Variants in MYBL2 observed in about 807,000 individuals in gnomAD.
MYBL2 encodes MYB proto-oncogene like 2.
MYBL2 carries 28 observed loss-of-function variants against 79.9 expected under a neutral mutation model. The observed-to-expected ratio is 0.35, with a 90% CI of 0.26 to 0.48. The LOEUF is 0.48. MYBL2 is among the 20% of genes least tolerant of loss of function. MYBL2 has a pLI of 0.99. For missense variants in MYBL2, 735 were observed against 893.9 expected, an observed-to-expected ratio of 0.82 and a Z score of 2.27; for synonymous variants, 378 against 361.2, an observed-to-expected ratio of 1.05 and a Z score of -0.53.
At chr20:43,707,773 C>T (rs933643086) in intron 9 of MYBL2, among the ~76,000 whole-genome samples, 7 of 152,090 alleles carry the variant, frequency 4.6e-5, no homozygotes, top group Non-Finnish European at 1.0e-4. Context: ...TTTTTTCCCC[C>T]CCGGCTTTCA....
chr20:43,708,227 CT>C (rs1250338832), intron 9 of MYBL2, among the ~76,000 whole-genome samples: 1 of 152,032 alleles, frequency 6.6e-6, no homozygotes, highest in African/African-American at 2.4e-5. Context: ...AGCCTTCTAA[CT>C]AGCTGAGAAC....
intron 9 of MYBL2, among the ~76,000 whole-genome samples, chr20:43,709,335 C>T (rs967124813): frequency 4.6e-5 from 7 of 152,220 alleles, no homozygotes; most frequent in South Asian, 2.1e-4. Context: ...CCAGCCCTGG[C>T]GCTCTGGGGC....
chr20:43,684,997 A>G (rs1987236395), intron 4 of MYBL2, among the ~76,000 whole-genome samples: 1 of 151,398 alleles, frequency 6.6e-6, no homozygotes, highest in Non-Finnish European at 1.5e-5. Context: ...AAATGCAAAG[A>G]TGAGCTGGGT....
chr20:43,702,628 C>G lies in MYBL2; in HGVS notation c.1090C>G (p.Leu364Val). The G allele has an allele frequency of 1.9e-6, 3 of 1,614,144 alleles. No individual in the cohort carries two copies. Among genetic ancestry groups the G allele is most frequent in the Non-Finnish European group, 2.5e-6 (3 of 1,180,042 alleles). ...CCTGCCACCCCGCCAGCCTTCCGCC[C>G]TGGTGCCCAGTGTGACCGAGTACCG... ...QVLPPRQPSA[L>V]VPSVTEYRLD... Residue 364 changes from leucine to valine, a missense_variant, in exon 8 of 14, where the codon CTG becomes GTG. By Grantham distance (32) the Leu-to-Val change is conservative (BLOSUM62 1). Coordinates refer to ENST00000217026, the MANE Select transcript of MYBL2 (RefSeq NM_002466.4).
In MYBL2 at chr20:43,702,625, G is replaced by A. The variant is rs757295796; in HGVS notation, c.1087G>A (p.Ala363Thr). The change falls in exon 8 of 14, where the codon GCC (alanine) becomes ACC (threonine). Residue 363 changes from alanine to threonine, a missense_variant. Physicochemically the swap from Ala to Thr is moderately conservative, Grantham distance 58. Coordinates refer to ENST00000217026, the MANE Select transcript of MYBL2 (RefSeq NM_002466.4). ...QQVLPPRQPSALVPSVTEYRL... is the reference protein window; with the variant it reads ...QQVLPPRQPSTLVPSVTEYRL... ...AGTCCTGCCACCCCGCCAGCCTTCC[G>A]CCCTGGTGCCCAGTGTGACCGAGTA... 3.7e-6 allele frequency: 6 copies of A among 1,613,886 alleles called. No individual in the cohort carries two copies. The Admixed American group carries it at 5.0e-5, about 13-fold the overall frequency.
chr20:43,698,518 C>T lies in MYBL2; in HGVS notation c.664-1239C>T, dbSNP rs1479043674. ...TCAGCCTCTCAAGTAGCTGGAACTA[C>T]AGGCGCCTGCCACCACACCTGGCTA... On this transcript the variant is annotated intron_variant, in intron 6 of 13. Transcript: ENST00000217026. Among the ~76,000 whole-genome samples, 6 of 151,324 alleles carry T rather than the reference C, an allele frequency of 4.0e-5. No individual in the cohort carries two copies. In the East Asian group the frequency reaches 9.7e-4, roughly 24 times the overall value.
chr20:43,690,549 G>A (rs1987382164), intron 5 of MYBL2, among the ~76,000 whole-genome samples: 1 of 152,086 alleles, frequency 6.6e-6, no homozygotes, highest in South Asian at 2.1e-4. Context: ...GAGGATCTGG[G>A]CAAAGCACCA....
In MYBL2 at chr20:43,694,303, G is replaced by A. The variant is rs571335247; in HGVS notation, c.663+1984G>A. Among the ~76,000 whole-genome samples the A allele has an allele frequency of 5.1e-4, 78 of 152,198 alleles. 1 individual carries two copies. Among genetic ancestry groups the A allele is most frequent in the Non-Finnish European group, 9.9e-4 (67 of 68,012 alleles). On this transcript the variant is annotated intron_variant, in intron 6 of 13. Coordinates refer to ENST00000217026, the MANE Select transcript of MYBL2 (RefSeq NM_002466.4). ...GCCGAGATCACGCCACTGCACTCCAGCCTGGGTGACAGAGTGAGACTCTGT... is the reference window on the plus strand; with the variant it reads ...GCCGAGATCACGCCACTGCACTCCAACCTGGGTGACAGAGTGAGACTCTGT...
chr20:43,671,644 G>A (rs533030415), intron 1 of MYBL2, among the ~76,000 whole-genome samples: 2 of 151,268 alleles, frequency 1.3e-5, no homozygotes, highest in East Asian at 2.0e-4. Context: ...GGCTAATTTT[G>A]TATTTTTAGT....
chr20:43,698,705 G>A lies in MYBL2; in HGVS notation c.664-1052G>A, dbSNP rs62226230. Among the ~76,000 whole-genome samples, 910 of 122,442 alleles carry A rather than the reference G, an allele frequency of 7.4e-3. 3 individuals are homozygous for A. Among genetic ancestry groups the A allele is most frequent in the Middle Eastern group, 0.027 (5 of 188 alleles). 80.3% of individuals were successfully genotyped at this position (122,442 alleles called of 152,430 possible). On this transcript the variant is annotated intron_variant, in intron 6 of 13. Coordinates refer to ENST00000217026, the MANE Select transcript of MYBL2 (RefSeq NM_002466.4). ...TTTTAAATGAGCAGGGTCTTGCTCT[G>A]TACCCCAGACTGTAGTGCAGTGGCG...
At chr20:43,713,220 TATCA>T in intron 12 of MYBL2, 114 bp downstream of exon 12, 1 of 572,686 alleles carries the variant, frequency 1.7e-6, no homozygotes. Context: ...AGGGAGGGGC[TATCA>T]GGGAGGGTGG....
In MYBL2 at chr20:43,699,859, C is replaced by T; in HGVS notation, c.766C>T (p.Pro256Ser). Reference sequence around the variant, plus strand: ...AGCCACCACATCGAAGGAACAGGAGCCCATCGGTACAGATCTGGACGCAGT... The same window carrying T: ...AGCCACCACATCGAAGGAACAGGAGTCCATCGGTACAGATCTGGACGCAGT... ...AAATTSKEQE[P>S]IGTDLDAVRT... is the part of the protein sequence containing the mutation. Residue 256 changes from proline to serine, a missense_variant, in exon 7 of 14, where the codon CCC becomes TCC. Physicochemically the swap from Pro to Ser is moderately conservative, Grantham distance 74. Coordinates refer to ENST00000217026, the MANE Select transcript of MYBL2 (RefSeq NM_002466.4). 1 of 1,614,124 alleles carries T rather than the reference C, an allele frequency of 6.2e-7. No individual in the cohort carries two copies. Among genetic ancestry groups the T allele is most frequent in the Non-Finnish European group, 8.5e-7 (1 of 1,179,998 alleles).
At chr20:43,682,981 C>A in intron 4 of MYBL2, 95 bp downstream of exon 4, 1 of 1,176,182 alleles carries the variant, frequency 8.5e-7, no homozygotes, top group South Asian at 1.2e-5. Context: ...TTGGGGGTGT[C>A]AAGCTGAGCA....
At chr20:43,668,892 A>G (rs1296054709) in intron 1 of MYBL2, among the ~76,000 whole-genome samples, 2 of 151,748 alleles carry the variant, frequency 1.3e-5, no homozygotes, top group Non-Finnish European at 2.9e-5. Context: ...TAGGAGACAG[A>G]GCCACTCTGT....
chr20:43,675,742 C>G (rs1986990652), intron 2 of MYBL2, among the ~76,000 whole-genome samples: 1 of 140,898 alleles, frequency 7.1e-6, no homozygotes. Context: ...TTTGTTTTGC[C>G]TTTTTCTTTT....
At chr20:43,670,932 A>C (rs1405533847) in intron 1 of MYBL2, among the ~76,000 whole-genome samples, 1 of 151,006 alleles carries the variant, frequency 6.6e-6, no homozygotes, top group Non-Finnish European at 1.5e-5. Context: ...CAAGCACCTG[A>C]CATCTCTGGA....
chr20:43,683,479 C>T (rs74586842), intron 4 of MYBL2, among the ~76,000 whole-genome samples: 1 of 151,942 alleles, frequency 6.6e-6, no homozygotes, highest in Non-Finnish European at 1.5e-5. Context: ...CTCCTCGATA[C>T]CAGCCCAGAG....
At chr20:43,668,071 G>T (rs951863070) in intron 1 of MYBL2, among the ~76,000 whole-genome samples, 6 of 152,024 alleles carry the variant, frequency 3.9e-5, no homozygotes, top group African/African-American at 1.5e-4. Flanking sequence ...CCAGATCCCT[G>T]TCTTACACCT....
At chr20:43,683,402 C>G (rs949763743) in intron 4 of MYBL2, among the ~76,000 whole-genome samples, 1 of 151,920 alleles carries the variant, frequency 6.6e-6, no homozygotes, top group Non-Finnish European at 1.5e-5. Context: ...TGGGGATGTC[C>G]CCAACCTAGA....
Sources: gnomAD v4.1 joint callset for allele counts (sites outside exome capture counted in the v4.1 genomes callset) on GRCh38, gnomAD v4.1.1 for gene constraint, MANE v1.5 for transcripts, NCBI Gene and HGNC (gene_info 2026-07-23, HGNC 2026-07-21) for gene names.